The following GNG12 variants were observed in gnomAD, a reference collection of about 807,000 sequenced individuals.
GNG12 encodes the protein G protein subunit gamma 12.
For missense variants in GNG12, 69 were observed against 83.8 expected (o/e 0.82, Z 0.69); for synonymous variants, 28 against 29.7 (o/e 0.94, Z 0.19).
chr1:67,782,336 A>G (rs1281160597), intron 1 of GNG12, among the ~76,000 whole-genome samples: 2 of 152,210 alleles, frequency 1.3e-5, no homozygotes, highest in African/African-American at 4.8e-5. Context: ...CAAAGGTTAA[A>G]AACAGTGGGT....
chr1:67,723,656 C>T (rs1646369630), intron 2 of GNG12, among the ~76,000 whole-genome samples: 1 of 152,108 alleles, frequency 6.6e-6, no homozygotes, highest in Non-Finnish European at 1.5e-5. Context: ...TGAGGTTATT[C>T]CCATTGTTCT....
At position 67,744,699 on chromosome 1, in the gene GNG12, T is replaced by C. The variant is rs1269014502; in HGVS notation, c.-27+32759A>G. 2.0e-5 allele frequency among the ~76,000 whole-genome samples: 3 copies of C among 152,146 alleles called. No individual in the cohort carries two copies. The East Asian group carries it at 5.8e-4, about 29-fold the overall frequency. ...CAGATGCTATTAATATCTCATTTCA[T>C]CCTCACTAGAACCCTACAAAGTATG... On this transcript the variant is annotated intron_variant, in intron 2 of 3. Transcript: ENST00000370982.
chr1:67,821,261 G>A (rs1417874914), intron 1 of GNG12, among the ~76,000 whole-genome samples: 2 of 152,094 alleles, frequency 1.3e-5, no homozygotes, highest in East Asian at 1.9e-4. Context: ...CTATAGGTGG[G>A]CCCGATCTAA....
At chr1:67,809,242 A>C (rs1226834693) in intron 1 of GNG12, among the ~76,000 whole-genome samples, 1 of 152,118 alleles carries the variant, frequency 6.6e-6, no homozygotes, top group Non-Finnish European at 1.5e-5. Context: ...CCCACCAAAA[A>C]AGAAAGAATC....
intron 1 of GNG12, among the ~76,000 whole-genome samples, chr1:67,786,880 T>G (rs934590162): frequency 2.0e-5 from 3 of 151,200 alleles, no homozygotes; most frequent in Non-Finnish European, 4.4e-5. Flanking sequence ...GAGGTTGCAG[T>G]GAGCAGATAT....
chr1:67,832,131 G>C (rs1028710625), intron 1 of GNG12, among the ~76,000 whole-genome samples: 1 of 152,192 alleles, frequency 6.6e-6, no homozygotes, highest in Non-Finnish European at 1.5e-5. Flanking sequence ...CAGCAGGGGG[G>C]AGAGGAAGTA....
chr1:67,754,075 G>A (rs1220329671), intron 2 of GNG12, among the ~76,000 whole-genome samples: 1 of 152,098 alleles, frequency 6.6e-6, no homozygotes, highest in Non-Finnish European at 1.5e-5. Flanking sequence ...TCTGTTCCCG[G>A]TCGTGCCCGG....
At chr1:67,778,427 A>G (rs1446392067) in intron 1 of GNG12, among the ~76,000 whole-genome samples, 1 of 152,198 alleles carries the variant, frequency 6.6e-6, no homozygotes, top group African/African-American at 2.4e-5. Flanking sequence ...TAAGGCTTCA[A>G]GAAGTCCGAC....
chr1:67,804,777 C>T (rs1236647198), intron 1 of GNG12, among the ~76,000 whole-genome samples: 1 of 151,828 alleles, frequency 6.6e-6, no homozygotes, highest in Non-Finnish European at 1.5e-5. Context: ...CAACAAATTG[C>T]TAGAGACTTC....
intron 2 of GNG12, among the ~76,000 whole-genome samples, chr1:67,775,997 G>C (rs942591033): frequency 1.3e-5 from 2 of 152,178 alleles, no homozygotes; most frequent in African/African-American, 4.8e-5. Context: ...GGAGAAGCTA[G>C]AGAAGAGCCT....
chr1:67,738,112 T>G (rs1646462672), intron 2 of GNG12, among the ~76,000 whole-genome samples: 2 of 152,112 alleles, frequency 1.3e-5, no homozygotes, highest in Non-Finnish European at 2.9e-5. Flanking sequence ...TTTTGTTTGT[T>G]TTTTGGTAGA....
chr1:67,762,177 C>T (rs982366017), intron 2 of GNG12, among the ~76,000 whole-genome samples: 3 of 152,206 alleles, frequency 2.0e-5, no homozygotes, highest in South Asian at 2.1e-4. Context: ...CCACCACCAC[C>T]GCCCCCAACC....
chr1:67,819,520 A>C (rs995747618), intron 1 of GNG12, among the ~76,000 whole-genome samples: 5 of 152,188 alleles, frequency 3.3e-5, no homozygotes. Flanking sequence ...CAGCAGTTCC[A>C]AAACCCTAAA....
intron 2 of GNG12, among the ~76,000 whole-genome samples, chr1:67,717,985 G>A (rs968431150): frequency 2.6e-5 from 4 of 152,198 alleles, no homozygotes; most frequent in African/African-American, 9.6e-5. Flanking sequence ...GTTACAGGAT[G>A]AACTGAGAGA....
intron 1 of GNG12, among the ~76,000 whole-genome samples, chr1:67,788,875 A>C (rs1646784698): frequency 2.0e-5 from 3 of 152,236 alleles, no homozygotes; most frequent in Non-Finnish European, 4.4e-5. Context: ...TTGTGGCAAT[A>C]TCTGACAGGC....
intron 1 of GNG12, among the ~76,000 whole-genome samples, chr1:67,802,300 A>T (rs916719436): frequency 1.3e-5 from 2 of 152,180 alleles, no homozygotes; most frequent in Admixed American, 1.3e-4. Context: ...GTGATATTGT[A>T]AATTAGGGCA....
In GNG12 at chr1:67,801,615, G is replaced by A. The variant is rs1232651959; in HGVS notation, c.-76-24108C>T. ...CCAGCGATACCTGGGATGGCTTGGA[G>A]TGGAGAACAAAAGGAAGAGGAGAGA... On this transcript the variant is annotated intron_variant, in intron 1 of 3. Coordinates refer to ENST00000370982, the MANE Select transcript of GNG12 (RefSeq NM_018841.6). Among the ~76,000 whole-genome samples, 7 of 152,176 alleles carry A rather than the reference G, an allele frequency of 4.6e-5. No individual in the cohort carries two copies. In the East Asian group the frequency reaches 9.7e-4, roughly 21 times the overall value.
chr1:67,808,575 T>A (rs1037275157), intron 1 of GNG12, among the ~76,000 whole-genome samples: 3 of 152,108 alleles, frequency 2.0e-5, no homozygotes. Flanking sequence ...AAAAGATTCC[T>A]GGAACTAGTG....
intron 2 of GNG12, among the ~76,000 whole-genome samples, chr1:67,762,704 T>C (rs1243432967): frequency 2.6e-5 from 4 of 152,258 alleles, no homozygotes; most frequent in South Asian, 2.1e-4. Flanking sequence ...CTAATTTTTT[T>C]CCCCTAATTT....
Sources: allele counts gnomAD v4.1 joint callset (sites outside exome capture counted in the v4.1 genomes callset), GRCh38; gene constraint gnomAD v4.1.1; transcripts MANE v1.5; gene names NCBI Gene and HGNC (gene_info 2026-07-23, HGNC 2026-07-21).